TENM2: variants seen among roughly 807,000 people sequenced by gnomAD.
TENM2 encodes teneurin-2.
Under a neutral mutation model 245.2 loss-of-function variants are expected in TENM2, and 52 were observed. That is an observed-to-expected ratio of 0.21 (90% CI 0.17 to 0.27). The LOEUF (loss-of-function observed/expected upper bound fraction) is 0.27. TENM2 is among the 10% of genes least tolerant of loss of function. TENM2 has a pLI of 1.00. For synonymous variants in TENM2, 1,363 were observed against 1,438.9 expected (o/e 0.95, Z 1.19); for missense variants, 3,046 against 3,666.8 (o/e 0.83, Z 4.37).
intron 2 of TENM2, among the ~76,000 whole-genome samples, chr5:167,720,130 A>G (rs186165040): frequency 2.2e-4 from 34 of 152,316 alleles, no homozygotes; most frequent in African/African-American, 7.9e-4. Context: ...ACAATTTTCT[A>G]AGAAATAACT....
At chr5:168,052,463 CAT>C (rs1301999574) in intron 6 of TENM2, among the ~76,000 whole-genome samples, 1 of 151,814 alleles carries the variant, frequency 6.6e-6, no homozygotes, top group Non-Finnish European at 1.5e-5. Context: ...TACACACACA[CAT>C]ATACACACAT....
In TENM2 at chr5:168,244,421, T is replaced by A; in HGVS notation, c.5522T>A (p.Val1841Asp). ...ACAAGGCCTGTTGTGTTTTCCTAGG[T>A]CCATGGAAGAAATCTCTTGTCCATT... Residue 1841 changes from valine (V) to aspartate (D), a missense_variant and splice_region_variant, in exon 26 of 29, where the codon GTC becomes GAC. This residue lies in a region of TENM2 where 2,704 missense variants were observed against 3,331.9 expected (regional missense o/e 0.81). Transcript: ENST00000518659. The surrounding 1 kb of genome is among the most constrained non-coding windows in gnomAD (Gnocchi z 4.9). 6.5e-7 allele frequency: 1 copy of A among 1,533,984 alleles called. No individual in the cohort carries two copies. The highest frequency in any genetic ancestry group is 8.8e-7 in the Non-Finnish European group (1 of 1,131,518).
intron 2 of TENM2, among the ~76,000 whole-genome samples, chr5:167,449,959 A>C (rs1765477612): frequency 6.6e-6 from 1 of 152,214 alleles, no homozygotes; most frequent in Non-Finnish European, 1.5e-5. Flanking sequence ...ACTCTGACTC[A>C]AAGAAAAAAG....
chr5:167,772,481 G>A (rs751487794), intron 2 of TENM2, among the ~76,000 whole-genome samples: 9 of 152,084 alleles, frequency 5.9e-5, no homozygotes, highest in Non-Finnish European at 1.0e-4. Context: ...AGTTATCCCA[G>A]TGGGCATTCT....
intron 13 of TENM2, chr5:168,186,194 C>T (rs965170086): frequency 6.6e-6 from 1 of 151,956 alleles, no homozygotes; most frequent in Non-Finnish European, 1.5e-5. Flanking sequence ...AGGCTGTCAC[C>T]TCTGATGCTG....
At chr5:167,713,145 C>T (rs1005621456) in intron 2 of TENM2, among the ~76,000 whole-genome samples, 1 of 151,960 alleles carries the variant, frequency 6.6e-6, no homozygotes, top group African/African-American at 2.4e-5. Flanking sequence ...TTGTATTTTG[C>T]AGTGAGTGCG....
At position 168,200,277 on chromosome 5, in the gene TENM2, C is replaced by A. The variant is rs1341251022; in HGVS notation, c.3430+146C>A. 3 of 736,184 alleles carry A rather than the reference C, an allele frequency of 4.1e-6. No individual in the cohort carries two copies. In the Admixed American group the frequency reaches 8.8e-5, roughly 22 times the overall value. The allele number at this position is 736,184 out of a possible 1,614,324, so 45.6% of individuals were successfully genotyped here. On this transcript the variant is annotated intron_variant, in intron 17 of 28. Transcript: ENST00000518659. ...CAAGAAGACAGACAAGATTCCTCTT[C>A]CACGGGGTTTACATTTTGGTGAGGT...
chr5:167,177,068 C>T, the TENM2 span, among the ~76,000 whole-genome samples: 1 of 152,082 alleles, frequency 6.6e-6, no homozygotes, highest in African/African-American at 2.4e-5. Flanking sequence ...ATTAATGATG[C>T]TTTTAGTTTT....
intron 6 of TENM2, among the ~76,000 whole-genome samples, chr5:168,060,957 G>T (rs1422937): frequency 3.3e-5 from 5 of 152,234 alleles, no homozygotes; most frequent in Admixed American, 2.0e-4. Context: ...TTTTAGAAGA[G>T]TTAGTCCTTC....
chr5:167,037,958 A>G, the TENM2 span, among the ~76,000 whole-genome samples: 2 of 152,212 alleles, frequency 1.3e-5, no homozygotes, highest in Admixed American at 6.5e-5. Context: ...GGAATGGCCT[A>G]TGCTTCCGCA....
intron 2 of TENM2, among the ~76,000 whole-genome samples, chr5:167,857,884 G>A (rs1032725271): frequency 9.2e-5 from 14 of 152,154 alleles, no homozygotes; most frequent in African/African-American, 2.9e-4. Flanking sequence ...AATAAATAGA[G>A]CCTTAGACTC....
chr5:167,805,497 G>T (rs1766098822), intron 2 of TENM2, among the ~76,000 whole-genome samples: 1 of 152,098 alleles, frequency 6.6e-6, no homozygotes, highest in African/African-American at 2.4e-5. Context: ...CTCACAGAGT[G>T]CTTCACAGGG....
chr5:167,399,075 A>G (rs893582957), intron 2 of TENM2, among the ~76,000 whole-genome samples: 1 of 152,152 alleles, frequency 6.6e-6, no homozygotes, highest in African/African-American at 2.4e-5. Flanking sequence ...TTTCACTTAA[A>G]GTGACTGTCC....
At chr5:167,254,663 C>T in the TENM2 span, among the ~76,000 whole-genome samples, 5 of 152,130 alleles carry the variant, frequency 3.3e-5, no homozygotes, top group South Asian at 6.2e-4. Context: ...GAGATTATTA[C>T]GGAGAGTGAT....
downstream of TENM2, chr5:168,263,676 A>C (rs1238155989): frequency 6.6e-6 from 1 of 152,644 alleles, no homozygotes; most frequent in Non-Finnish European, 1.5e-5. Context: ...TTGTCTTTGG[A>C]GATTCCATTG....
In TENM2 at chr5:167,298,385, C is replaced by T. The variant is rs562607225; in HGVS notation, c.226+13322C>T. Among the ~76,000 whole-genome samples, 447 of 152,296 alleles carry T rather than the reference C, an allele frequency of 2.9e-3. 1 individual carries two copies. Among genetic ancestry groups the T allele is most frequent in the Non-Finnish European group, 4.2e-3 (286 of 68,040 alleles). On this transcript the variant is annotated intron_variant, in intron 1 of 28. Coordinates refer to ENST00000518659, the Ensembl canonical transcript of TENM2. The stretch of plus-strand genomic sequence containing the variant: ...TCGGGAGGCCGAGGGGGGCGGATCA[C>T]GAGGTCAGGAGATTGAGACCATCCT...
the TENM2 span, among the ~76,000 whole-genome samples, chr5:167,089,556 G>T: frequency 6.6e-6 from 1 of 152,036 alleles, no homozygotes. Context: ...TATTTTATGT[G>T]ATTTCATTTA....
intron 23 of TENM2, among the ~76,000 whole-genome samples, chr5:168,225,340 A>G (rs1006682530): frequency 2.0e-5 from 3 of 152,230 alleles, no homozygotes; most frequent in Non-Finnish European, 4.4e-5. Flanking sequence ...ATGGTCTCAA[A>G]TGCGAGATTT....
intron 1 of TENM2, among the ~76,000 whole-genome samples, chr5:167,325,404 G>A (rs1475347116): frequency 6.6e-6 from 1 of 152,166 alleles, no homozygotes; most frequent in African/African-American, 2.4e-5. Flanking sequence ...TCTAATTGAA[G>A]ATCAAGTCAA....
Sources: allele counts gnomAD v4.1 joint callset (sites outside exome capture counted in the v4.1 genomes callset), GRCh38; gene constraint gnomAD v4.1.1; regional missense constraint gnomAD v4.1.1; non-coding constraint Gnocchi (gnomAD v3.1); transcripts MANE v1.5; gene names NCBI Gene and HGNC (gene_info 2026-07-23, HGNC 2026-07-21).